Variants in SYNE2 observed in about 807,000 individuals in gnomAD.
SYNE2 encodes the protein nesprin-2.
Under a neutral mutation model 856.3 loss-of-function variants are expected in SYNE2, and 431 were observed. The ratio of observed to expected loss-of-function variants is 0.50; its 90% CI spans 0.47 to 0.55. SYNE2 has a LOEUF of 0.55. Ranked by LOEUF, SYNE2 falls within the 20% of genes least tolerant of loss-of-function variation. The pLI is 0.00. For synonymous variants in SYNE2, 2,923 were observed against 2,872.3 expected (o/e 1.02, Z -0.56); for missense variants, 8,129 against 8,023.2 (o/e 1.01, Z -0.50).
intron 66 of SYNE2, among the ~76,000 whole-genome samples, chr14:64,114,604 C>G (rs574935373): frequency 6.6e-6 from 1 of 152,076 alleles, no homozygotes; most frequent in East Asian, 1.9e-4. Flanking sequence ...ATCTCGGCAC[C>G]TCTGATCTCA....
intron 1 of SYNE2, among the ~76,000 whole-genome samples, chr14:63,766,081 AT>A (rs543776173): frequency 0.17 from 23,706 of 138,320 alleles, 2,060 homozygotes; most frequent in African/African-American, 0.27. Context: ...TCTTGAGTGG[AT>A]TTTTTTTTTT....
At chr14:64,219,437 G>A (rs1378064092) in intron 110 of SYNE2, 27 bp downstream of exon 110, 7 of 1,610,146 alleles carry the variant, frequency 4.3e-6, no homozygotes, top group East Asian at 2.2e-5. Context: ...GTGGGGAAGA[G>A]GGATTCAGAA....
intron 28 of SYNE2, among the ~76,000 whole-genome samples, 160 bp from the exon 29 acceptor site, chr14:64,001,773 TG>T (rs761205476): frequency 5.3e-5 from 8 of 152,264 alleles, no homozygotes; most frequent in African/African-American, 9.6e-5. Context: ...TTTGAATCGA[TG>T]GGTTTAGGTA....
rs771837481 is a variant in SYNE2 at position 64,209,436 on chromosome 14, A to G, written c.18398A>G (p.Glu6133Gly). Residue 6133 changes from glutamate (E) to glycine (G), a missense_variant, in exon 102 of 116, where the codon GAG (glutamate) becomes GGG (glycine). Transcript: ENST00000555002. Reference sequence around the variant, plus strand: ...TGCTTTGCTCCCATCAGAATCGAGGAGACGTGGCGCCTGTGGCAGAAGTTT... The same window carrying G: ...TGCTTTGCTCCCATCAGAATCGAGGGGACGTGGCGCCTGTGGCAGAAGTTT... ...MSMERRMKIE[E>G]TWRLWQKFLD... 1 of 1,614,236 alleles carries G rather than the reference A, an allele frequency of 6.2e-7. No homozygotes were observed. Among genetic ancestry groups the G allele is most frequent in the South Asian group, 1.1e-5 (1 of 91,086 alleles).
At chr14:64,005,422 T>C (rs151102953) in intron 30 of SYNE2, among the ~76,000 whole-genome samples, 107 of 152,294 alleles carry the variant, frequency 7.0e-4, no homozygotes, top group African/African-American at 2.5e-3. Flanking sequence ...TATTGACACA[T>C]GGACATGGGG....
intron 94 of SYNE2, chr14:64,173,905 C>A: frequency 1.5e-6 from 1 of 682,394 alleles, no homozygotes; most frequent in Non-Finnish European, 2.6e-6. Context: ...AAAGAACGCC[C>A]ATGTAGCCAG....
chr14:64,151,380 TCTTTC>T (rs1487689577), intron 84 of SYNE2, among the ~76,000 whole-genome samples: 1 of 135,778 alleles, frequency 7.4e-6, no homozygotes, highest in Admixed American at 7.6e-5. Context: ...CTCATGTTTC[TCTTTC>T]CTTATGGACC....
At chr14:63,973,631 C>CAAAAAAA (rs60498158) in intron 11 of SYNE2, among the ~76,000 whole-genome samples, 3 of 67,786 alleles carry the variant, frequency 4.4e-5, no homozygotes, top group Non-Finnish European at 8.4e-5. Flanking sequence ...GAGTCCATCT[C>CAAAAAAA]AAAAAAAAAA....
chr14:63,863,211 T>C (rs554746245), intron 1 of SYNE2, among the ~76,000 whole-genome samples: 24 of 152,204 alleles, frequency 1.6e-4, no homozygotes, highest in Non-Finnish European at 3.4e-4. Flanking sequence ...CATAATACAT[T>C]TTAAAAATCC....
intron 108 of SYNE2, among the ~76,000 whole-genome samples, chr14:64,217,291 T>C (rs1302834277): frequency 6.7e-6 from 1 of 149,646 alleles, no homozygotes; most frequent in Admixed American, 6.6e-5. Context: ...TTGGTCGTGA[T>C]TATTATTCCT....
chr14:63,880,289 G>A (rs1003948532), intron 1 of SYNE2, among the ~76,000 whole-genome samples: 4 of 152,096 alleles, frequency 2.6e-5, no homozygotes, highest in Admixed American at 1.3e-4. Flanking sequence ...ACAGGGTTTC[G>A]CCATGTTGGC....
Position 63,942,062 on chromosome 14 carries a change from A to G in SYNE2, c.327A>G (p.Ile109Met), listed in dbSNP as rs1193254578. ...TFLRNRSIKL[I>M]NIHVTDIIDG... Reference sequence around the variant, plus strand: ...TTTTTGTTTTCCAGATTAAGCTAATAAATATTCATGTTACTGATATCATTG... The same window carrying G: ...TTTTTGTTTTCCAGATTAAGCTAATGAATATTCATGTTACTGATATCATTG... The change falls in exon 6 of 116, where the codon ATA becomes ATG. Residue 109 changes from isoleucine to methionine, a missense_variant. Transcript: ENST00000555002. 1.9e-6 allele frequency: 3 copies of G among 1,610,276 alleles called. No homozygotes were observed. The highest frequency in any genetic ancestry group is 1.1e-5 in the South Asian group (1 of 91,024).
At chr14:64,195,207 C>A (rs1355392663) in intron 99 of SYNE2, among the ~76,000 whole-genome samples, 2 of 152,186 alleles carry the variant, frequency 1.3e-5, no homozygotes, top group African/African-American at 4.8e-5. Flanking sequence ...AGTGGAAAAG[C>A]ATACCCTCCC....
At chr14:64,028,009 G>A (rs1232464147) in intron 43 of SYNE2, among the ~76,000 whole-genome samples, 1 of 152,070 alleles carries the variant, frequency 6.6e-6, no homozygotes, top group Non-Finnish European at 1.5e-5. Flanking sequence ...GAGGGCTCAG[G>A]TGATCCTCCT....
intron 11 of SYNE2, among the ~76,000 whole-genome samples, chr14:63,975,682 T>G (rs2096536743): frequency 6.6e-6 from 1 of 152,204 alleles, no homozygotes; most frequent in Non-Finnish European, 1.5e-5. Flanking sequence ...ATGTTGTTTC[T>G]TTTTATTTTT....
chr14:64,056,407 G>T, intron 49 of SYNE2, 141 bp downstream of exon 49: 2 of 659,492 alleles, frequency 3.0e-6, no homozygotes, highest in Non-Finnish European at 2.4e-6. Flanking sequence ...GAGATAATTT[G>T]GAAAATATGG....
At chr14:63,849,129 T>C (rs755143553), upstream of SYNE2, among the ~76,000 whole-genome samples, 16 of 152,354 alleles carry the variant, frequency 1.1e-4, no homozygotes, top group Middle Eastern at 3.4e-3. Flanking sequence ...AAAACAGAGC[T>C]GTTTTCTTGG....
At chr14:64,197,758 G>A (rs1282712462) in intron 99 of SYNE2, among the ~76,000 whole-genome samples, 2 of 152,148 alleles carry the variant, frequency 1.3e-5, no homozygotes, top group Admixed American at 6.5e-5. Context: ...ATCATACATT[G>A]TTAAGGCTTA....
intron 1 of SYNE2, among the ~76,000 whole-genome samples, chr14:63,830,232 G>C (rs1460432108): frequency 6.7e-6 from 1 of 148,156 alleles, no homozygotes; most frequent in African/African-American, 2.5e-5. Flanking sequence ...GAGTGGGGTA[G>C]TGGTGATGGG....
Sources: allele counts gnomAD v4.1 joint callset (sites outside exome capture counted in the v4.1 genomes callset), GRCh38; gene constraint gnomAD v4.1.1; transcripts MANE v1.5; gene names NCBI Gene and HGNC (gene_info 2026-07-23, HGNC 2026-07-21).